Variants in SLC12A3 observed in about 807,000 individuals in gnomAD.
The protein encoded by SLC12A3 is Na-Cl cotransporter.
In SLC12A3, 104 loss-of-function variants were observed where a neutral mutation model predicts 121.0. The observed-to-expected ratio is 0.86, with a 90% CI of 0.73 to 1.01. The LOEUF (loss-of-function observed/expected upper bound fraction) is 1.01. Ranked by LOEUF, SLC12A3 falls within the 50% of genes least tolerant of loss-of-function variation. The probability of loss-of-function intolerance (pLI) is 0.00; values close to 1 mark genes in which losing one functional copy is unlikely to be tolerated. For synonymous variants in SLC12A3, 536 were observed against 533.4 expected, an observed-to-expected ratio of 1.00 and a Z score of -0.07; for missense variants, 1,328 against 1,356.3, an observed-to-expected ratio of 0.98 and a Z score of 0.33.
chr16:56,878,029 T>TCCCTCCCG, intron 8 of SLC12A3, 48 bp from the exon 9 acceptor site: 1 of 530,704 alleles, frequency 1.9e-6, no homozygotes, highest in East Asian at 3.8e-5. Context: ...CGTCCCTCCC[T>TCCCTCCCG]CCCTCTCTCC....
In SLC12A3 at chr16:56,868,754, G is replaced by A. The variant is rs535002234; in HGVS notation, c.505+382G>A. Among the ~76,000 whole-genome samples the A allele has an allele frequency of 9.2e-5, 14 of 152,254 alleles. No individual in the cohort carries two copies. The South Asian group carries it at 2.3e-3, about 25-fold the overall frequency. On this transcript the variant is annotated intron_variant, in intron 3 of 25. Coordinates refer to ENST00000563236, the MANE Select transcript of SLC12A3 (RefSeq NM_001126108.2). ...TGGGAGGCCGAGGCAGGTGGATCAC[G>A]AGGTCAGGAGTTCAAGACCAGCCTG...
chr16:56,886,515 TG>T (rs1196639450), intron 16 of SLC12A3, 40 bp downstream of exon 16: 18 of 1,523,566 alleles, frequency 1.2e-5, no homozygotes, highest in Non-Finnish European at 1.5e-5. Context: ...CCAGGCATGG[TG>T]GCTCATGCCT....
chr16:56,869,763 G>A lies in SLC12A3; in HGVS notation c.540G>A (p.Thr180=), dbSNP rs941590624. 9.9e-6 allele frequency: 16 copies of A among 1,614,058 alleles called. No homozygotes were observed. Among genetic ancestry groups the A allele is most frequent in the South Asian group, 7.7e-5 (7 of 91,068 alleles). The change falls in exon 4 of 26, where the codon ACG becomes ACA. Residue 180 remains threonine (T), a synonymous_variant. Transcript: ENST00000563236. ...GGATCATCATCCTGCTGTCGGTCAC[G>A]GTGACCTCCATCACAGGCCTCTCCA... The part of the protein sequence containing the change: ...LTWIIILLSV[T]VTSITGLSIS...
At chr16:56,910,613 TA>T (rs1258420130) in intron 25 of SLC12A3, among the ~76,000 whole-genome samples, 12 of 152,364 alleles carry the variant, frequency 7.9e-5, no homozygotes, top group Non-Finnish European at 5.9e-5. Flanking sequence ...GTGCTGGGAT[TA>T]CAGGCATGAG....
chr16:56,901,667 T>C (rs1183974051), intron 23 of SLC12A3, among the ~76,000 whole-genome samples: 1 of 150,434 alleles, frequency 6.6e-6, no homozygotes, highest in Admixed American at 6.6e-5. Flanking sequence ...TCTTTAATGA[T>C]GTGAGTCACA....
At chr16:56,888,434 G>A (rs2055347277) in intron 18 of SLC12A3, among the ~76,000 whole-genome samples, 1 of 152,202 alleles carries the variant, frequency 6.6e-6, no homozygotes, top group Admixed American at 6.5e-5. Flanking sequence ...GGGTGATAGG[G>A]AGCAGTGGAG....
intron 15 of SLC12A3, 79 bp downstream of exon 15, chr16:56,885,443 T>C: frequency 2.1e-6 from 2 of 950,328 alleles, no homozygotes; most frequent in Non-Finnish European, 3.3e-6. Flanking sequence ...AGCCTAGACC[T>C]GTCACCTGAC....
Position 56,879,652 on chromosome 16 carries a change from G to A in SLC12A3, c.1443+3G>A. On this transcript the variant is annotated splice_donor_region_variant and intron_variant, in intron 11 of 25. Coordinates refer to ENST00000563236, the MANE Select transcript of SLC12A3 (RefSeq NM_001126108.2). ...TCTCTGCTGCCAAAGTCTTCCAGGT[G>A]AGGCCGCAGAAAGGGGTCGAGATGA... is the stretch of plus-strand genomic sequence containing the variant. 1.2e-6 allele frequency: 2 copies of A among 1,609,386 alleles called. No individual in the cohort carries two copies. Among genetic ancestry groups the A allele is most frequent in the Non-Finnish European group, 1.7e-6 (2 of 1,177,108 alleles).
intron 19 of SLC12A3, among the ~76,000 whole-genome samples, chr16:56,891,288 C>T (rs902578632): frequency 2.1e-5 from 3 of 144,020 alleles, no homozygotes; most frequent in Non-Finnish European, 4.5e-5. Flanking sequence ...GGGAGGATCG[C>T]TTGAGGCCAG....
rs755679612 is a variant in SLC12A3, at chr16:56,890,370, C to T, written c.2368+14C>T. 18 of 1,607,934 alleles carry T rather than the reference C, an allele frequency of 1.1e-5. No homozygotes were observed. In the South Asian group the frequency reaches 1.8e-4, roughly 16 times the overall value. On this transcript the variant is annotated intron_variant, in intron 19 of 25. Coordinates refer to ENST00000563236, the MANE Select transcript of SLC12A3 (RefSeq NM_001126108.2). Reference sequence around the variant, plus strand: ...TGCAGGCGCACAGTGAGTACATGCCCCACCCACTCCCAGAAAGTTCTAGAA... The same window carrying T: ...TGCAGGCGCACAGTGAGTACATGCCTCACCCACTCCCAGAAAGTTCTAGAA...
chr16:56,907,722 CTTT>C (rs2055626307), intron 25 of SLC12A3, among the ~76,000 whole-genome samples: 1 of 152,106 alleles, frequency 6.6e-6, no homozygotes, highest in Admixed American at 6.6e-5. Context: ...TCTGGGGCCT[CTTT>C]ATAAGAGCAC....
chr16:56,878,002 G>A, intron 8 of SLC12A3, 75 bp from the exon 9 acceptor site: 2 of 771,730 alleles, frequency 2.6e-6, no homozygotes, highest in Admixed American at 4.9e-5. Flanking sequence ...GAGGCCCAGG[G>A]GCTGCCTAAT....
Position 56,879,067 on chromosome 16 carries a change from T to A in SLC12A3, c.1181-6T>A, listed in dbSNP as rs1313666907. On this transcript the variant is annotated splice_polypyrimidine_tract_variant and splice_region_variant and intron_variant, in intron 9 of 25. Coordinates refer to ENST00000563236, the MANE Select transcript of SLC12A3 (RefSeq NM_001126108.2). ...GACCTCCCCATGCTCTCCTTCCTCC[T>A]CTCAGGCTCCTGCGTGGTGCGTGAT... is the stretch of plus-strand genomic sequence containing the variant. The A allele has an allele frequency of 1.2e-6, 2 of 1,605,612 alleles. No homozygotes were observed. Among genetic ancestry groups the A allele is most frequent in the Non-Finnish European group, 1.7e-6 (2 of 1,176,706 alleles).
Position 56,892,934 on chromosome 16 carries a change from C to T in SLC12A3, c.2420-19C>T. 6.2e-7 allele frequency: 1 copy of T among 1,608,458 alleles called. No homozygotes were observed. The highest frequency in any genetic ancestry group is 1.1e-5 in the South Asian group (1 of 90,802). On this transcript the variant is annotated intron_variant, in intron 20 of 25. Transcript: ENST00000563236. ...GCGCGGCTGCTGGCTCTGCTCTGAC[C>T]CGCCCCCACCTCCTGCAGTGGACCC...
intron 25 of SLC12A3, 112 bp downstream of exon 25, chr16:56,904,574 G>A: frequency 4.9e-6 from 5 of 1,020,002 alleles, no homozygotes; most frequent in Non-Finnish European, 7.7e-6. Context: ...CCCCTAGGAA[G>A]CAGAAGGGCC....
chr16:56,873,730 G>T (rs2055132547), intron 8 of SLC12A3, among the ~76,000 whole-genome samples: 1 of 130,722 alleles, frequency 7.6e-6, no homozygotes. Flanking sequence ...TTGAGATGAA[G>T]TCTCGGTCTG....
intron 8 of SLC12A3, among the ~76,000 whole-genome samples, chr16:56,876,854 T>A (rs2055170236): frequency 6.6e-6 from 1 of 152,076 alleles, no homozygotes; most frequent in Non-Finnish European, 1.5e-5. Flanking sequence ...AGTGAGCAGG[T>A]CTTGAACTTA....
chr16:56,910,875 T>C (rs2099107), intron 25 of SLC12A3, among the ~76,000 whole-genome samples: 25,910 of 152,212 alleles, frequency 0.17, 2,407 homozygotes, highest in East Asian at 0.26. Flanking sequence ...TCTGGAACAG[T>C]TTTATTTCTG....
Position 56,883,995 on chromosome 16 carries a change from C to G in SLC12A3, c.1670-54C>G. 3 of 1,604,422 alleles carry G rather than the reference C, an allele frequency of 1.9e-6. No individual in the cohort carries two copies. In the East Asian group the frequency reaches 6.7e-5, roughly 36 times the overall value. ...CCAGGCCCTGCCCAGCAGCTCTGGC[C>G]TAGAAAGAGGCTCGACTGCCAGGCA... On this transcript the variant is annotated intron_variant, in intron 13 of 25. Coordinates refer to ENST00000563236, the MANE Select transcript of SLC12A3 (RefSeq NM_001126108.2).
Sources: allele counts gnomAD v4.1 joint callset (sites outside exome capture counted in the v4.1 genomes callset), GRCh38; gene constraint gnomAD v4.1.1; transcripts MANE v1.5; gene names NCBI Gene and HGNC (gene_info 2026-07-23, HGNC 2026-07-21).